Variants in GPSM1 observed in about 807,000 individuals in gnomAD.
GPSM1 encodes G protein signaling modulator 1.
Under a neutral mutation model 70.5 loss-of-function variants are expected in GPSM1, and 48 were observed. That is an observed-to-expected ratio of 0.68 (90% confidence interval 0.54 to 0.87). GPSM1 has a LOEUF of 0.87. Ranked by LOEUF, GPSM1 falls within the 40% of genes least tolerant of loss-of-function variation. The pLI is 0.00. For missense variants in GPSM1, 981 were observed against 972.6 expected (o/e 1.01, Z -0.11); for synonymous variants, 416 against 430.1 (o/e 0.97, Z 0.41).
chr9:136,352,229 G>A (rs61530711), intron 11 of GPSM1, among the ~76,000 whole-genome samples: 2,644 of 24,808 alleles, frequency 0.11, 588 homozygotes, highest in East Asian at 0.38. Context: ...TGACACCGAT[G>A]CTGCGCCGTT....
chr9:136,355,851 G>A lies in GPSM1; in HGVS notation c.1612+5G>A. 6.2e-7 allele frequency: 1 copy of A among 1,601,332 alleles called. No individual in the cohort carries two copies. ...CCACCCTGGAGGACAGGATCGGTGAGTGCCCCCCTCAGCCGGGCCCTCCCT... is the reference window on the plus strand; with the variant it reads ...CCACCCTGGAGGACAGGATCGGTGAATGCCCCCCTCAGCCGGGCCCTCCCT... On this transcript the variant is annotated splice_donor_5th_base_variant and intron_variant, in intron 12 of 13. Transcript: ENST00000440944.
chr9:136,335,946 C>CA lies in GPSM1; in HGVS notation c.291-19dup. 3 of 1,610,540 alleles carry CA rather than the reference C, an allele frequency of 1.9e-6. No individual in the cohort carries two copies. The highest frequency in any genetic ancestry group is 2.5e-6 in the Non-Finnish European group (3 of 1,178,870). Reference sequence around the variant, plus strand: ...CTGACCAGTCCTCAGCCTGACCCCTCACTCCTCCCTGCCATCCAGGACCAT... The same window carrying CA: ...CTGACCAGTCCTCAGCCTGACCCCTCAACTCCTCCCTGCCATCCAGGACCAT... On this transcript the variant is annotated intron_variant, in intron 2 of 13. Transcript: ENST00000440944.
Position 136,327,677 on chromosome 9 carries a change from G to T in GPSM1, c.-19G>T. The T allele has an allele frequency of 9.5e-7, 1 of 1,050,868 alleles. No individual in the cohort carries two copies. Among genetic ancestry groups the T allele is most frequent in the South Asian group, 4.6e-5 (1 of 21,896 alleles). 65.1% of individuals were successfully genotyped at this position (1,050,868 alleles called of 1,614,324 possible). ...GGCGCGGGGGGCGCTCCCGGCTCCCGCTCCCGCGTCCCCGACCCATGGCGG... is the reference window on the plus strand; with the variant it reads ...GGCGCGGGGGGCGCTCCCGGCTCCCTCTCCCGCGTCCCCGACCCATGGCGG... On this transcript the variant is annotated 5_prime_UTR_variant, in exon 1 of 14. Transcript: ENST00000440944.
chr9:136,356,119 C>T (rs1489130011), intron 12 of GPSM1, among the ~76,000 whole-genome samples: 1 of 152,224 alleles, frequency 6.6e-6, no homozygotes, highest in Non-Finnish European at 1.5e-5. Context: ...CCTGTCTCCT[C>T]CTGTCACCCC....
At position 136,359,242 on chromosome 9, in the gene GPSM1, C is replaced by T. The variant is rs1057137633; in HGVS notation, c.*1022C>T. 1.3e-5 allele frequency: 2 copies of T among 152,294 alleles called. No individual in the cohort carries two copies. Among genetic ancestry groups the T allele is most frequent in the Non-Finnish European group, 2.9e-5 (2 of 68,064 alleles). The allele number at this position is 152,294 out of a possible 1,614,324, so 9.4% of individuals were successfully genotyped here. A position where few individuals can be genotyped will look rare whatever the true frequency, so the allele number is the denominator to read the frequency against. ...CCCCAGGGGCCTGAGGTTGCCTCCTCCTGTCCAGACCCAGCCTTGGCACCT... is the reference window on the plus strand; with the variant it reads ...CCCCAGGGGCCTGAGGTTGCCTCCTTCTGTCCAGACCCAGCCTTGGCACCT... On this transcript the variant is annotated 3_prime_UTR_variant, in exon 14 of 14. Transcript: ENST00000440944.
chr9:136,345,409 C>T (rs528073136), intron 9 of GPSM1, among the ~76,000 whole-genome samples: 3 of 152,336 alleles, frequency 2.0e-5, no homozygotes, highest in Admixed American at 6.5e-5. Context: ...ACGCCTCAGC[C>T]GACTCTGCAG....
chr9:136,358,292 C>A lies in GPSM1; in HGVS notation c.*72C>A. 1 of 1,322,910 alleles carries A rather than the reference C, an allele frequency of 7.6e-7. No individual in the cohort carries two copies. The highest frequency in any genetic ancestry group is 1.0e-6 in the Non-Finnish European group (1 of 962,538). The allele number at this position is 1,322,910 out of a possible 1,614,324, so 81.9% of individuals were successfully genotyped here. ...CCGGTCTCACAGTCACAGCCACGTCCTCCCGAGGCCATTGCCGAGGACAGG... is the reference window on the plus strand; with the variant it reads ...CCGGTCTCACAGTCACAGCCACGTCATCCCGAGGCCATTGCCGAGGACAGG... On this transcript the variant is annotated 3_prime_UTR_variant, in exon 14 of 14. Coordinates refer to ENST00000440944, the MANE Select transcript of GPSM1 (RefSeq NM_001145638.3).
At chr9:136,339,381 C>T (rs1832330589) in intron 7 of GPSM1, among the ~76,000 whole-genome samples, 1 of 152,276 alleles carries the variant, frequency 6.6e-6, no homozygotes, top group African/African-American at 2.4e-5. Flanking sequence ...TGCCGGCCGC[C>T]AGGGGGCGAG....
rs1554770364 is a variant in GPSM1 at position 136,341,755 on chromosome 9, G to C, written c.1207+762G>C. The C allele has an allele frequency of 1.0e-6, 1 of 985,920 alleles. No homozygotes were observed. The highest frequency in any genetic ancestry group is 1.2e-6 in the Non-Finnish European group (1 of 830,416). The allele number at this position is 985,920 out of a possible 1,614,324, so 61.1% of individuals were successfully genotyped here. On this transcript the variant is annotated intron_variant, in intron 9 of 13. Transcript: ENST00000440944. The surrounding 1 kb of genome is among the most constrained non-coding windows in gnomAD (Gnocchi z 6.7). Reference sequence around the variant, plus strand: ...CCAGGCCTGCTAAGGACCAGGCTGGGAACACCAGGCTTGGATGTGGTGCTG... The same window carrying C: ...CCAGGCCTGCTAAGGACCAGGCTGGCAACACCAGGCTTGGATGTGGTGCTG...
At chr9:136,347,619 G>T (rs139510112) in intron 9 of GPSM1, among the ~76,000 whole-genome samples, 2 of 152,178 alleles carry the variant, frequency 1.3e-5, no homozygotes, top group Non-Finnish European at 2.9e-5. Context: ...CCGTCCCGCC[G>T]CCTCCTCAGG....
chr9:136,349,049 CA>C (rs1172744615), intron 10 of GPSM1, among the ~76,000 whole-genome samples: 3 of 152,242 alleles, frequency 2.0e-5, no homozygotes, highest in African/African-American at 7.2e-5. Flanking sequence ...AGCCCACAGA[CA>C]GGGGCACCCA....
At chr9:136,347,416 G>A (rs1402956041) in intron 9 of GPSM1, among the ~76,000 whole-genome samples, 3 of 152,142 alleles carry the variant, frequency 2.0e-5, no homozygotes, top group African/African-American at 4.8e-5. Flanking sequence ...CTGGGTAAGG[G>A]TGGGCATAGG....
chr9:136,333,294 G>A (rs868917442), intron 1 of GPSM1, among the ~76,000 whole-genome samples: 2 of 152,186 alleles, frequency 1.3e-5, no homozygotes, highest in South Asian at 2.1e-4. Flanking sequence ...TCCTCCCCCC[G>A]CGACCCTCCA....
At chr9:136,328,708 G>A (rs914126642) in intron 1 of GPSM1, among the ~76,000 whole-genome samples, 3 of 152,214 alleles carry the variant, frequency 2.0e-5, no homozygotes, top group Non-Finnish European at 2.9e-5. Context: ...TGCTGCCTCC[G>A]GTCTGCTCTC....
chr9:136,329,885 G>A (rs1029608507), intron 1 of GPSM1, among the ~76,000 whole-genome samples: 14 of 150,432 alleles, frequency 9.3e-5, no homozygotes, highest in Non-Finnish European at 1.8e-4. Flanking sequence ...GTGCTGGGTC[G>A]GTGGGGACGG....
chr9:136,341,277 C>A lies in GPSM1; in HGVS notation c.1207+284C>A. ...GCTGCTCCAGGGCCTCCACCCCCAC[C>A]TCCCCCTGGAGCCCTCGGTGCAGGG... On this transcript the variant is annotated intron_variant, in intron 9 of 13. Coordinates refer to ENST00000440944, the MANE Select transcript of GPSM1 (RefSeq NM_001145638.3). This position sits in a 1 kb window ranked among gnomAD's most constrained non-coding sequence, Gnocchi z 6.7. 3.4e-6 allele frequency: 5 copies of A among 1,474,580 alleles called. No individual in the cohort carries two copies. Among genetic ancestry groups the A allele is most frequent in the Admixed American group, 4.8e-5 (2 of 41,428 alleles). 91.3% of individuals were successfully genotyped at this position (1,474,580 alleles called of 1,614,324 possible).
intron 11 of GPSM1, among the ~76,000 whole-genome samples, chr9:136,351,935 G>C (rs946959249): frequency 8.8e-5 from 13 of 148,176 alleles, no homozygotes; most frequent in African/African-American, 3.0e-4. Flanking sequence ...GTGGGTGGGG[G>C]ATACATCCCT....
chr9:136,341,529 T>G lies in GPSM1; in HGVS notation c.1207+536T>G. The G allele has an allele frequency of 8.9e-7, 1 of 1,118,256 alleles. No individual in the cohort carries two copies. Among genetic ancestry groups the G allele is most frequent in the Non-Finnish European group, 1.1e-6 (1 of 912,388 alleles). The allele number at this position is 1,118,256 out of a possible 1,614,324, so 69.3% of individuals were successfully genotyped here. On this transcript the variant is annotated intron_variant, in intron 9 of 13. Coordinates refer to ENST00000440944, the MANE Select transcript of GPSM1 (RefSeq NM_001145638.3). The surrounding 1 kb of genome is among the most constrained non-coding windows in gnomAD (Gnocchi z 6.7). ...AGTGCTGCAGACACAGGACAGAACG[T>G]CCCCTGCAAAGCGAAAAGACTAATA...
chr9:136,327,775 C>A lies in GPSM1; in HGVS notation c.68+12C>A. ...CGCCTCTACTCCAGGTAGGACGGGC[C>A]GGGGCCGGGGCCGGGGCCGGGGCTG... On this transcript the variant is annotated intron_variant, in intron 1 of 13. Transcript: ENST00000440944. 2 of 983,564 alleles carry A rather than the reference C, an allele frequency of 2.0e-6. No homozygotes were observed. Among genetic ancestry groups the A allele is most frequent in the African/African-American group, 1.7e-5 (1 of 58,772 alleles). The allele number at this position is 983,564 out of a possible 1,614,324, so 60.9% of individuals were successfully genotyped here. A position where few individuals can be genotyped will look rare whatever the true frequency, so the allele number is the denominator to read the frequency against.
Sources: gnomAD v4.1 joint callset for allele counts (sites outside exome capture counted in the v4.1 genomes callset) on GRCh38, gnomAD v4.1.1 for gene constraint, Gnocchi (gnomAD v3.1) non-coding constraint, MANE v1.5 for transcripts, NCBI Gene and HGNC (gene_info 2026-07-23, HGNC 2026-07-21) for gene names.